The following AUTS2 variants were observed in gnomAD, a reference collection of about 807,000 sequenced individuals.
AUTS2 encodes the protein autism susceptibility gene 2 protein.
AUTS2 carries 17 observed loss-of-function variants against 112.4 expected under a neutral mutation model. That is an observed-to-expected ratio of 0.15 (90% CI 0.10 to 0.23). The LOEUF (loss-of-function observed/expected upper bound fraction) is 0.23, where lower values mean the gene tolerates loss of function less well. AUTS2 is among the 10% of genes least tolerant of loss of function. AUTS2 has a pLI of 1.00. For missense variants in AUTS2, 1,510 were observed against 1,701.6 expected, an observed-to-expected ratio of 0.89 and a Z score of 1.98; for synonymous variants, 751 against 702.7, an observed-to-expected ratio of 1.07 and a Z score of -1.09.
intron 11 of AUTS2, 73 bp from the exon 12 acceptor site, chr7:70,773,955 G>C (rs571324388): frequency 1.4e-6 from 2 of 1,394,658 alleles, no homozygotes; most frequent in Admixed American, 1.7e-5. Context: ...TCATTTAGCA[G>C]AAGGGAAGGA....
intron 3 of AUTS2, among the ~76,000 whole-genome samples, chr7:70,131,098 G>A (rs189105669): frequency 5.9e-5 from 9 of 152,112 alleles, no homozygotes; most frequent in Admixed American, 2.6e-4. Flanking sequence ...TATATAGTTT[G>A]GACAGACTTT....
intron 4 of AUTS2, among the ~76,000 whole-genome samples, chr7:70,154,018 T>TA (rs1252110419): frequency 2.6e-5 from 4 of 152,214 alleles, no homozygotes; most frequent in African/African-American, 9.6e-5. Flanking sequence ...ATTGCACAGA[T>TA]ATAGCAGTCT....
At chr7:69,971,045 G>A (rs1359927034) in intron 2 of AUTS2, among the ~76,000 whole-genome samples, 1 of 152,132 alleles carries the variant, frequency 6.6e-6, no homozygotes, top group African/African-American at 2.4e-5. Flanking sequence ...TGGTGTGGTA[G>A]CGTGTGTCTG....
At chr7:70,777,992 G>T (rs77665825) in intron 14 of AUTS2, among the ~76,000 whole-genome samples, 1 of 152,152 alleles carries the variant, frequency 6.6e-6, no homozygotes, top group Non-Finnish European at 1.5e-5. Flanking sequence ...TCCTCCTGAT[G>T]GTCAGTGCCA....
chr7:70,177,544 A>G (rs1809055649), intron 4 of AUTS2, among the ~76,000 whole-genome samples: 1 of 152,170 alleles, frequency 6.6e-6, no homozygotes, highest in Non-Finnish European at 1.5e-5. Flanking sequence ...TACTATAATT[A>G]TTATCCATAT....
At chr7:69,619,625 T>C (rs1014031133) in intron 1 of AUTS2, among the ~76,000 whole-genome samples, 10 of 151,578 alleles carry the variant, frequency 6.6e-5, no homozygotes, top group African/African-American at 2.4e-4. Context: ...TTATGTGTTA[T>C]GTGTGGCCTG....
chr7:70,189,159 C>G (rs1446290831), intron 4 of AUTS2, among the ~76,000 whole-genome samples: 1 of 152,060 alleles, frequency 6.6e-6, no homozygotes, highest in Non-Finnish European at 1.5e-5. Context: ...GAGAGTGTGC[C>G]TGTAAATGAC....
intron 4 of AUTS2, chr7:70,194,554 G>A (rs1156659108): frequency 6.6e-6 from 1 of 152,214 alleles, no homozygotes; most frequent in Non-Finnish European, 1.5e-5. Flanking sequence ...AGTTAGAGTG[G>A]TCACATTAAT....
At chr7:70,015,370 C>T (rs1280104656) in intron 2 of AUTS2, among the ~76,000 whole-genome samples, 2 of 152,162 alleles carry the variant, frequency 1.3e-5, no homozygotes, top group Non-Finnish European at 2.9e-5. Context: ...ACCATTTTTA[C>T]AGATGCCAAA....
At chr7:70,074,721 C>G (rs996050490) in intron 2 of AUTS2, among the ~76,000 whole-genome samples, 2 of 152,154 alleles carry the variant, frequency 1.3e-5, no homozygotes, top group Non-Finnish European at 2.9e-5. Context: ...CTCATCATGG[C>G]ACATGTAGAA....
At chr7:69,786,016 G>T (rs189994589) in intron 1 of AUTS2, among the ~76,000 whole-genome samples, 21 of 152,238 alleles carry the variant, frequency 1.4e-4, no homozygotes, top group Non-Finnish European at 2.6e-4. Flanking sequence ...ATTTTTAGTA[G>T]AAACGGGGTT....
intron 5 of AUTS2, among the ~76,000 whole-genome samples, chr7:70,559,667 C>T (rs897888213): frequency 6.6e-6 from 1 of 152,128 alleles, no homozygotes; most frequent in African/African-American, 2.4e-5. Context: ...CCAGTCTCAA[C>T]ATCATTTGTG....
intron 4 of AUTS2, among the ~76,000 whole-genome samples, chr7:70,294,577 T>C (rs1788848204): frequency 6.6e-6 from 1 of 152,234 alleles, no homozygotes; most frequent in Non-Finnish European, 1.5e-5. Flanking sequence ...GTAAAAACGA[T>C]AAGCTTCTGC....
chr7:70,405,620 C>T (rs932472023), intron 4 of AUTS2, among the ~76,000 whole-genome samples: 15 of 152,182 alleles, frequency 9.9e-5, no homozygotes, highest in African/African-American at 3.4e-4. Context: ...GCGTGGTTGA[C>T]AAAAGTGTGA....
intron 6 of AUTS2, among the ~76,000 whole-genome samples, chr7:70,759,031 G>C (rs1206194121): frequency 4.6e-5 from 7 of 152,210 alleles, no homozygotes; most frequent in Non-Finnish European, 1.0e-4. Flanking sequence ...AGCAACGATG[G>C]ACTGATTGCT....
At chr7:70,123,535 G>T (rs1352026169) in intron 3 of AUTS2, among the ~76,000 whole-genome samples, 1 of 151,990 alleles carries the variant, frequency 6.6e-6, no homozygotes, top group African/African-American at 2.4e-5. Flanking sequence ...AGTGTCTGTT[G>T]TTTCCCTCTC....
intron 1 of AUTS2, among the ~76,000 whole-genome samples, chr7:69,851,981 T>C (rs1792504734): frequency 6.6e-6 from 1 of 152,178 alleles, no homozygotes; most frequent in Non-Finnish European, 1.5e-5. Context: ...TTTTATTGCC[T>C]TATTATGCTG....
At chr7:69,852,583 G>C (rs1187199664) in intron 1 of AUTS2, among the ~76,000 whole-genome samples, 1 of 152,086 alleles carries the variant, frequency 6.6e-6, no homozygotes, top group African/African-American at 2.4e-5. Context: ...CTCCTGAGTA[G>C]CTGGGATTAC....
chr7:69,705,637 G>A (rs1271702375), intron 1 of AUTS2, among the ~76,000 whole-genome samples: 1 of 152,208 alleles, frequency 6.6e-6, no homozygotes, highest in Non-Finnish European at 1.5e-5. Flanking sequence ...TTTGGAATGG[G>A]CCTATTCGTG....
Sources: gnomAD v4.1 joint callset for allele counts (sites outside exome capture counted in the v4.1 genomes callset) on GRCh38, gnomAD v4.1.1 for gene constraint, MANE v1.5 for transcripts, NCBI Gene and HGNC (gene_info 2026-07-23, HGNC 2026-07-21) for gene names.